Variants in CIMAP2 observed in about 807,000 individuals in gnomAD.
CIMAP2 encodes ciliary microtubule-associated protein 2.
chr1:54,839,276 G>T, the CIMAP2 span, among the ~76,000 whole-genome samples: 1 of 152,056 alleles, frequency 6.6e-6, no homozygotes, highest in Non-Finnish European at 1.5e-5. Context: ...CAGGAGAGGT[G>T]GTTCGGTCAG....
At chr1:54,841,888 G>A in the CIMAP2 span, 4 of 1,550,642 alleles carry the variant, frequency 2.6e-6, no homozygotes, top group South Asian at 1.2e-5. Flanking sequence ...ACATGCGAAG[G>A]ACAGCCTGCA....
the CIMAP2 span, among the ~76,000 whole-genome samples, chr1:54,811,582 C>T: frequency 9.1e-4 from 138 of 152,128 alleles, 1 homozygote; most frequent in East Asian, 0.023. Context: ...CCAAGTTCAG[C>T]TGGGGAAGAG....
the CIMAP2 span, among the ~76,000 whole-genome samples, chr1:54,822,346 A>G: frequency 1.3e-5 from 2 of 151,924 alleles, no homozygotes; most frequent in Admixed American, 6.6e-5. Context: ...ATGTTTTCAA[A>G]AAACCAACCT....
chr1:54,813,782 A>G, the CIMAP2 span: 2 of 1,573,848 alleles, frequency 1.3e-6, no homozygotes, highest in East Asian at 2.2e-5. Flanking sequence ...TTTTCCTGGC[A>G]TAGCAGATTC....
At chr1:54,807,018 C>T in the CIMAP2 span, 14 of 1,614,066 alleles carry the variant, frequency 8.7e-6, no homozygotes, top group Non-Finnish European at 1.2e-5. Context: ...TGCTGTTTAT[C>T]CCAACTGGAA....
chr1:54,810,234 G>A, the CIMAP2 span, among the ~76,000 whole-genome samples: 1 of 152,156 alleles, frequency 6.6e-6, no homozygotes, highest in African/African-American at 2.4e-5. Context: ...AAACAGTAGA[G>A]GCTCAGAAAG....
chr1:54,826,379 G>C, the CIMAP2 span, among the ~76,000 whole-genome samples: 1 of 152,176 alleles, frequency 6.6e-6, no homozygotes, highest in African/African-American at 2.4e-5. Flanking sequence ...GGACCTGGCC[G>C]CACTGCTGGG....
chr1:54,806,148 ATGGC>A, the CIMAP2 span: 1 of 1,550,190 alleles, frequency 6.5e-7, no homozygotes, highest in Admixed American at 1.9e-5. Context: ...GCCGGAGCTC[ATGGC>A]TGGAACCGCG....
chr1:54,836,072 T>C, the CIMAP2 span, among the ~76,000 whole-genome samples: 2 of 151,982 alleles, frequency 1.3e-5, no homozygotes, highest in Admixed American at 6.6e-5. Flanking sequence ...GCTCAGCATG[T>C]GGAGTCCTCT....
the CIMAP2 span, among the ~76,000 whole-genome samples, chr1:54,839,781 CACTCT>C: frequency 5.7e-4 from 87 of 152,154 alleles, no homozygotes; most frequent in African/African-American, 2.0e-3. Flanking sequence ...ATAGTGTCAA[CACTCT>C]GTCACCCAAG....
At chr1:54,813,443 G>C in the CIMAP2 span, among the ~76,000 whole-genome samples, 1 of 152,196 alleles carries the variant, frequency 6.6e-6, no homozygotes, top group African/African-American at 2.4e-5. Context: ...AATCCTCTGT[G>C]CTCCTCCAGT....
At chr1:54,834,445 T>C in the CIMAP2 span, among the ~76,000 whole-genome samples, 1 of 152,238 alleles carries the variant, frequency 6.6e-6, no homozygotes, top group Admixed American at 6.5e-5. Context: ...TTTTTCCTTT[T>C]AAGTTTCTTT....
chr1:54,814,009 C>A, the CIMAP2 span: 1 of 1,554,496 alleles, frequency 6.4e-7, no homozygotes, highest in South Asian at 1.2e-5. Flanking sequence ...CTTCCTCTCT[C>A]GGAGGGCAGC....
chr1:54,837,024 A>G, the CIMAP2 span, among the ~76,000 whole-genome samples: 113,620 of 151,944 alleles, frequency 0.75, 43,724 homozygotes, highest in Middle Eastern at 0.85. Flanking sequence ...GATGGGACTC[A>G]CCTTTGCCTT....
At chr1:54,834,368 G>A in the CIMAP2 span, among the ~76,000 whole-genome samples, 1 of 152,132 alleles carries the variant, frequency 6.6e-6, no homozygotes, top group Non-Finnish European at 1.5e-5. Context: ...AATAAAATGG[G>A]CCAGGATCTG....
chr1:54,820,820 G>A, the CIMAP2 span, among the ~76,000 whole-genome samples: 2 of 152,274 alleles, frequency 1.3e-5, no homozygotes. Flanking sequence ...CCAGGCTGAA[G>A]TGCAGTGGCG....
At chr1:54,807,360 C>A in the CIMAP2 span, among the ~76,000 whole-genome samples, 1 of 152,212 alleles carries the variant, frequency 6.6e-6, no homozygotes, top group African/African-American at 2.4e-5. Context: ...ACGATTGCAC[C>A]TTGAGTGCCA....
the CIMAP2 span, chr1:54,806,175 C>G: frequency 1.3e-6 from 2 of 1,552,200 alleles, no homozygotes; most frequent in Non-Finnish European, 1.7e-6. Flanking sequence ...GGCTCCACGG[C>G]CACCAAGTGG....
At chr1:54,839,609 C>A in the CIMAP2 span, among the ~76,000 whole-genome samples, 1 of 152,064 alleles carries the variant, frequency 6.6e-6, no homozygotes, top group Admixed American at 6.5e-5. Flanking sequence ...AACTCTTGAC[C>A]TCAGGTGATC....
Sources: gnomAD v4.1 joint callset for allele counts (sites outside exome capture counted in the v4.1 genomes callset) on GRCh38, gnomAD v4.1.1 for gene constraint, MANE v1.5 for transcripts, NCBI Gene and HGNC (gene_info 2026-07-23, HGNC 2026-07-21) for gene names.